DTX1: variants seen among roughly 807,000 people sequenced by gnomAD.
DTX1 encodes the protein deltex E3 ubiquitin ligase 1, also known as E3 ubiquitin-protein ligase DTX1.
A neutral mutation model predicts 57.8 loss-of-function variants in DTX1; 26 were observed. The ratio of observed to expected loss-of-function variants is 0.45; its 90% confidence interval spans 0.33 to 0.62. DTX1 has a LOEUF of 0.62. DTX1 is among the 20% of genes least tolerant of loss of function. DTX1 has a pLI of 0.02. For missense variants in DTX1, 704 were observed against 895.3 expected, an observed-to-expected ratio of 0.79 and a Z score of 2.73; for synonymous variants, 398 against 394.1, an observed-to-expected ratio of 1.01 and a Z score of -0.12.
chr12:113,094,023 G>T lies in DTX1; in HGVS notation c.1166-15G>T, dbSNP rs369010505. The T allele has an allele frequency of 3.5e-5, 55 of 1,569,962 alleles. No individual in the cohort carries two copies. In the African/African-American group the frequency reaches 7.1e-4, roughly 20 times the overall value. ...CTCTGGGTACCCTCAAACCCACCCCGCTGTGTCCCTGCAGGTAAGAATCCC... is the reference window on the plus strand; with the variant it reads ...CTCTGGGTACCCTCAAACCCACCCCTCTGTGTCCCTGCAGGTAAGAATCCC... On this transcript the variant is annotated splice_polypyrimidine_tract_variant and intron_variant, in intron 5 of 9. Coordinates refer to ENST00000548759, the MANE Select transcript of DTX1 (RefSeq NM_004416.3).
At chr12:113,064,968 G>T (rs1360075829) in intron 2 of DTX1, among the ~76,000 whole-genome samples, 2 of 152,188 alleles carry the variant, frequency 1.3e-5, no homozygotes, top group Non-Finnish European at 2.9e-5. Flanking sequence ...ACAGGTGGAG[G>T]AAACAGCAGG....
intron 2 of DTX1, among the ~76,000 whole-genome samples, chr12:113,060,648 C>T (rs551190527): frequency 1.3e-4 from 20 of 152,290 alleles, no homozygotes; most frequent in East Asian, 7.7e-4. Context: ...TGGACAGCCA[C>T]GCAAAGAACT....
intron 2 of DTX1, among the ~76,000 whole-genome samples, chr12:113,074,644 T>C (rs184823931): frequency 6.6e-6 from 1 of 152,336 alleles, no homozygotes; most frequent in African/African-American, 2.4e-5. Context: ...CTGACTTGCA[T>C]TGAGCAGGAT....
chr12:113,074,229 A>G (rs1298641259), intron 2 of DTX1, among the ~76,000 whole-genome samples: 1 of 150,134 alleles, frequency 6.7e-6, no homozygotes, highest in Non-Finnish European at 1.5e-5. Flanking sequence ...ACTCTCTCTC[A>G]TATATATATA....
In DTX1 at chr12:113,095,322, C is replaced by T; in HGVS notation, c.1549-3C>T. Reference sequence around the variant, plus strand: ...TAAATCCCTGTACTGTCCCTCTCTGCAGGGCCCTGAGCACCCCAACCCCGG... The same window carrying T: ...TAAATCCCTGTACTGTCCCTCTCTGTAGGGCCCTGAGCACCCCAACCCCGG... On this transcript the variant is annotated splice_region_variant and splice_polypyrimidine_tract_variant and intron_variant, in intron 8 of 9. Coordinates refer to ENST00000548759, the MANE Select transcript of DTX1 (RefSeq NM_004416.3). 1 of 1,614,132 alleles carries T rather than the reference C, an allele frequency of 6.2e-7. No individual in the cohort carries two copies. The highest frequency in any genetic ancestry group is 8.5e-7 in the Non-Finnish European group (1 of 1,179,980).
chr12:113,075,257 A>T (rs1431151962), intron 2 of DTX1, among the ~76,000 whole-genome samples: 1 of 152,156 alleles, frequency 6.6e-6, no homozygotes, highest in Non-Finnish European at 1.5e-5. Flanking sequence ...GAAAGTCAGG[A>T]CTTGAAGTGA....
chr12:113,064,836 G>A (rs1031460651), intron 2 of DTX1, among the ~76,000 whole-genome samples: 8 of 152,222 alleles, frequency 5.3e-5, no homozygotes, highest in African/African-American at 1.2e-4. Context: ...GCAGATGCAC[G>A]GTGCCTTCAG....
chr12:113,089,539 T>C (rs1415038529), intron 3 of DTX1, among the ~76,000 whole-genome samples: 1 of 151,830 alleles, frequency 6.6e-6, no homozygotes, highest in African/African-American at 2.4e-5. Context: ...AGCGGTCGCT[T>C]GTCCAGGCAG....
intron 3 of DTX1, among the ~76,000 whole-genome samples, chr12:113,089,429 G>A (rs1026154980): frequency 2.0e-5 from 3 of 151,942 alleles, no homozygotes; most frequent in African/African-American, 7.3e-5. Context: ...TAGATTTCGG[G>A]GAGGGCCTGA....
At position 113,093,376 on chromosome 12, in the gene DTX1, G is replaced by T; in HGVS notation, c.1003+153G>T. 7.5e-7 allele frequency: 1 copy of T among 1,336,702 alleles called. No individual in the cohort carries two copies. The highest frequency in any genetic ancestry group is 2.5e-5 in the East Asian group (1 of 39,302). 82.8% of individuals were successfully genotyped at this position (1,336,702 alleles called of 1,614,324 possible). On this transcript the variant is annotated intron_variant, in intron 4 of 9. Transcript: ENST00000548759. The surrounding 1 kb of genome is among the most constrained non-coding windows in gnomAD (Gnocchi z 4.2). ...GGGCCCAGGACACAGGGCGGGCGTG[G>T]CCCGCAGAAAGGCCCTTCAGGGGCC...
chr12:113,088,144 C>T (rs1017203415), intron 3 of DTX1, among the ~76,000 whole-genome samples: 1 of 152,348 alleles, frequency 6.6e-6, no homozygotes, highest in Admixed American at 6.5e-5. Context: ...CCAGTGCCAG[C>T]TGCACCACCA....
intron 3 of DTX1, among the ~76,000 whole-genome samples, chr12:113,081,344 A>G (rs1033256057): frequency 5.3e-5 from 8 of 152,334 alleles, no homozygotes; most frequent in South Asian, 2.1e-4. Context: ...AAATTAAAAA[A>G]AGAGAGAGAT....
chr12:113,082,340 C>T (rs1353901246), intron 3 of DTX1, among the ~76,000 whole-genome samples: 2 of 152,234 alleles, frequency 1.3e-5, no homozygotes, highest in Admixed American at 1.3e-4. Context: ...GAAAATCCCT[C>T]TGGCTCTCAA....
chr12:113,097,621 CCTT>C lies in DTX1; in HGVS notation c.*685_*687del, dbSNP rs1406956035. On this transcript the variant is annotated 3_prime_UTR_variant, in exon 10 of 10. Coordinates refer to ENST00000548759, the MANE Select transcript of DTX1 (RefSeq NM_004416.3). The stretch of plus-strand genomic sequence containing the variant: ...TCTTCATCTCTCTGGACTCTGATCT[CCTT>C]CTCCCTTCCCATCTCCAGGCCTTCT... 1 of 152,376 alleles carries C rather than the reference CCTT, an allele frequency of 6.6e-6. No individual in the cohort carries two copies. The highest frequency in any genetic ancestry group is 6.5e-5 in the Admixed American group (1 of 15,288). 9.4% of individuals were successfully genotyped at this position (152,376 alleles called of 1,614,324 possible). A position where few individuals can be genotyped will look rare whatever the true frequency, so the allele number is the denominator to read the frequency against.
intron 2 of DTX1, among the ~76,000 whole-genome samples, chr12:113,076,600 T>TTC (rs1436838420): frequency 2.9e-4 from 44 of 151,932 alleles, no homozygotes; most frequent in African/African-American, 9.7e-4. Flanking sequence ...CCCCTGTCTC[T>TTC]AAATAAATAA....
chr12:113,082,795 A>G (rs1481925952), intron 3 of DTX1, among the ~76,000 whole-genome samples: 1 of 151,948 alleles, frequency 6.6e-6, no homozygotes, highest in East Asian at 1.9e-4. Context: ...ACAGGATCTC[A>G]CTATGTTGCC....
chr12:113,094,468 C>T (rs1950270822), intron 6 of DTX1, among the ~76,000 whole-genome samples: 1 of 152,196 alleles, frequency 6.6e-6, no homozygotes, highest in Non-Finnish European at 1.5e-5. Context: ...GTTCCAGCTA[C>T]GTAGGAGGCT....
intron 2 of DTX1, among the ~76,000 whole-genome samples, chr12:113,069,035 A>G (rs1274625918): frequency 6.6e-6 from 1 of 152,214 alleles, no homozygotes; most frequent in African/African-American, 2.4e-5. Flanking sequence ...TATTATCATT[A>G]TTATCATAAC....
intron 2 of DTX1, among the ~76,000 whole-genome samples, chr12:113,068,463 T>C (rs1592843984): frequency 6.6e-6 from 1 of 152,166 alleles, no homozygotes; most frequent in African/African-American, 2.4e-5. Flanking sequence ...AGCCAGAAGA[T>C]TGAGAAAGAA....
Sources: allele counts gnomAD v4.1 joint callset (sites outside exome capture counted in the v4.1 genomes callset), GRCh38; gene constraint gnomAD v4.1.1; non-coding constraint Gnocchi (gnomAD v3.1); transcripts MANE v1.5; gene names NCBI Gene and HGNC (gene_info 2026-07-23, HGNC 2026-07-21).